The following RBFOX1 variants were observed in gnomAD, a reference collection of about 807,000 sequenced individuals.
The protein encoded by RBFOX1 is RNA binding fox-1 homolog 1.
A neutral mutation model predicts 57.7 loss-of-function variants in RBFOX1; 8 were observed. The observed-to-expected ratio is 0.14, with a 90% confidence interval of 0.08 to 0.25. The LOEUF (loss-of-function observed/expected upper bound fraction) is 0.25. Ranked by LOEUF, RBFOX1 falls within the 10% of genes least tolerant of loss-of-function variation. The pLI is 1.00. For missense variants in RBFOX1, 611 were observed against 548.5 expected (o/e 1.11, Z -1.14); for synonymous variants, 326 against 222.4 (o/e 1.47, Z -4.15).
intron 4 of RBFOX1, among the ~76,000 whole-genome samples, chr16:5,981,074 G>A (rs1012867594): frequency 6.6e-6 from 1 of 152,186 alleles, no homozygotes; most frequent in Non-Finnish European, 1.5e-5. Context: ...GATGCTCAGT[G>A]GGTCCTACAC....
At chr16:5,365,803 A>T (rs1160634020) in intron 1 of RBFOX1, 1 of 515,476 alleles carries the variant, frequency 1.9e-6, no homozygotes, top group Non-Finnish European at 3.8e-6. Flanking sequence ...CCAATGGAAG[A>T]TTCAGTGGAC....
chr16:5,704,759 G>A (rs953953756), intron 3 of RBFOX1, among the ~76,000 whole-genome samples: 4 of 152,286 alleles, frequency 2.6e-5, no homozygotes, highest in Admixed American at 6.5e-5. Context: ...CAGCTTGGCC[G>A]GGTTACTATG....
intron 3 of RBFOX1, among the ~76,000 whole-genome samples, chr16:6,732,921 T>G (rs1320868649): frequency 6.6e-6 from 1 of 152,242 alleles, no homozygotes; most frequent in African/African-American, 2.4e-5. Flanking sequence ...TGACAAATGA[T>G]GAAAATGCTA....
chr16:7,517,121 G>T (rs2076522738), intron 4 of RBFOX1, among the ~76,000 whole-genome samples: 1 of 146,776 alleles, frequency 6.8e-6, no homozygotes, highest in Admixed American at 6.9e-5. Flanking sequence ...AGACCTTTGG[G>T]TTACAATTTC....
intron 2 of RBFOX1, among the ~76,000 whole-genome samples, chr16:6,633,048 G>C (rs2154061531): frequency 6.6e-6 from 1 of 152,266 alleles, no homozygotes; most frequent in South Asian, 2.1e-4. Context: ...TGTTTTCCTG[G>C]AGTTGAGCTG....
intron 4 of RBFOX1, among the ~76,000 whole-genome samples, chr16:5,917,065 T>G (rs930124674): frequency 3.9e-5 from 6 of 152,086 alleles, no homozygotes; most frequent in African/African-American, 1.4e-4. Context: ...CACCGCACCC[T>G]GCAGGCGTGG....
intron 3 of RBFOX1, among the ~76,000 whole-genome samples, chr16:5,692,211 G>GTGTGTT (rs2050709689): frequency 7.5e-6 from 1 of 132,622 alleles, no homozygotes; most frequent in Admixed American, 7.6e-5. Flanking sequence ...GTGTGTGTGT[G>GTGTGTT]TGTTTGTGTT....
At chr16:5,639,285 T>C (rs768756109) in intron 3 of RBFOX1, among the ~76,000 whole-genome samples, 2 of 152,196 alleles carry the variant, frequency 1.3e-5, no homozygotes, top group Non-Finnish European at 2.9e-5. Context: ...AAAAACCACA[T>C]AAAGGCCTGA....
intron 4 of RBFOX1, among the ~76,000 whole-genome samples, chr16:7,064,794 A>G (rs1031317865): frequency 6.6e-6 from 1 of 152,228 alleles, no homozygotes; most frequent in African/African-American, 2.4e-5. Context: ...CCCGAACTTG[A>G]TAGTTCATCC....
intron 4 of RBFOX1, among the ~76,000 whole-genome samples, chr16:7,208,599 G>T (rs747284269): frequency 6.6e-6 from 1 of 152,148 alleles, no homozygotes; most frequent in Non-Finnish European, 1.5e-5. Context: ...AATTTGGGAG[G>T]CTGTGGTGGG....
At chr16:5,938,290 T>C (rs1424133) in intron 4 of RBFOX1, among the ~76,000 whole-genome samples, 45,682 of 152,030 alleles carry the variant, frequency 0.3, 7,236 homozygotes, top group Non-Finnish European at 0.34. Context: ...TGACCTGAGC[T>C]AGACCAGTGT....
intron 4 of RBFOX1, among the ~76,000 whole-genome samples, chr16:7,234,145 C>T (rs138799903): frequency 1.1e-4 from 16 of 152,172 alleles, no homozygotes; most frequent in Admixed American, 2.0e-4. Context: ...TGCTGGCAGA[C>T]GCTTTTGTCA....
intron 2 of RBFOX1, among the ~76,000 whole-genome samples, chr16:5,491,511 A>T (rs1295948167): frequency 6.6e-6 from 1 of 152,248 alleles, no homozygotes; most frequent in African/African-American, 2.4e-5. Context: ...AATGTCCATC[A>T]ACAGGAGAAT....
At chr16:6,609,323 A>G (rs2098001688) in intron 2 of RBFOX1, among the ~76,000 whole-genome samples, 1 of 151,998 alleles carries the variant, frequency 6.6e-6, no homozygotes, top group South Asian at 2.1e-4. Context: ...GTTGACGTGG[A>G]AAATGATTTT....
chr16:5,751,084 C>G (rs1408731226), intron 3 of RBFOX1, among the ~76,000 whole-genome samples: 2 of 152,150 alleles, frequency 1.3e-5, no homozygotes, highest in Non-Finnish European at 2.9e-5. Flanking sequence ...CTGAAGAGAT[C>G]TGCCCACCTC....
intron 1 of RBFOX1, among the ~76,000 whole-genome samples, chr16:6,212,855 G>A (rs567821369): frequency 6.6e-5 from 10 of 152,150 alleles, no homozygotes; most frequent in Non-Finnish European, 2.9e-5. Flanking sequence ...ACCTGAAAAA[G>A]GTAAGAAGAA....
At chr16:6,361,078 C>T (rs896019660) in intron 2 of RBFOX1, among the ~76,000 whole-genome samples, 1 of 151,974 alleles carries the variant, frequency 6.6e-6, no homozygotes, top group East Asian at 1.9e-4. Context: ...CTTGAGCCAC[C>T]CCTCTCAGCA....
chr16:5,672,724 A>T (rs2050048963), intron 3 of RBFOX1, among the ~76,000 whole-genome samples: 1 of 152,070 alleles, frequency 6.6e-6, no homozygotes, highest in South Asian at 2.1e-4. Flanking sequence ...AGAGGAAAAA[A>T]ACTTTAGCGG....
chr16:7,403,615 C>G (rs79727723), intron 4 of RBFOX1, among the ~76,000 whole-genome samples: 8,224 of 140,828 alleles, frequency 0.058, 325 homozygotes, highest in East Asian at 0.21. Flanking sequence ...GGCACAATCT[C>G]AGGTCAGGGC....
Sources: gnomAD v4.1 joint callset for allele counts (sites outside exome capture counted in the v4.1 genomes callset) on GRCh38, gnomAD v4.1.1 for gene constraint, MANE v1.5 for transcripts, NCBI Gene and HGNC (gene_info 2026-07-23, HGNC 2026-07-21) for gene names.